The following B4GALT6 variants were observed in gnomAD, a reference collection of about 807,000 sequenced individuals.
The protein encoded by B4GALT6 is beta-1,4-galactosyltransferase 6.
A neutral mutation model predicts 46.3 loss-of-function variants in B4GALT6; 14 were observed. The observed-to-expected ratio is 0.30, with a 90% CI of 0.20 to 0.47. The LOEUF is 0.47. Ranked by LOEUF, B4GALT6 falls within the 20% of genes least tolerant of loss-of-function variation. The pLI, the probability that B4GALT6 is intolerant of heterozygous loss-of-function variation, is 0.99. For missense variants in B4GALT6, 386 were observed against 480.1 expected, an observed-to-expected ratio of 0.80 and a Z score of 1.83; for synonymous variants, 168 against 162.0, an observed-to-expected ratio of 1.04 and a Z score of -0.28.
At chr18:31,716,478 A>G in the B4GALT6 span, among the ~76,000 whole-genome samples, 1 of 152,218 alleles carries the variant, frequency 6.6e-6, no homozygotes, top group Non-Finnish European at 1.5e-5. Context: ...GAATTTTCTT[A>G]CAGTAACGTA....
At chr18:31,711,008 A>G in the B4GALT6 span, among the ~76,000 whole-genome samples, 3 of 152,200 alleles carry the variant, frequency 2.0e-5, no homozygotes, top group Non-Finnish European at 2.9e-5. Flanking sequence ...CTCCCTGGCT[A>G]GAAGACCTTC....
At chr18:31,653,268 G>A (rs1183878989) in intron 3 of B4GALT6, among the ~76,000 whole-genome samples, 1 of 151,672 alleles carries the variant, frequency 6.6e-6, no homozygotes, top group Non-Finnish European at 1.5e-5. Context: ...TCTGGGCAGA[G>A]CCGACCACTC....
chr18:31,715,019 T>C, the B4GALT6 span, among the ~76,000 whole-genome samples: 8 of 152,208 alleles, frequency 5.3e-5, no homozygotes, highest in Admixed American at 4.6e-4. Flanking sequence ...TATAAGTATG[T>C]CCAGTATGCT....
At chr18:31,650,447 C>T (rs990428287) in intron 3 of B4GALT6, among the ~76,000 whole-genome samples, 2 of 152,180 alleles carry the variant, frequency 1.3e-5, no homozygotes, top group Non-Finnish European at 2.9e-5. Flanking sequence ...CAAATGCACC[C>T]GAAGTGGTGG....
rs1393495289 is a variant in B4GALT6 at position 31,622,666 on chromosome 18, A to T, written c.*2948T>A. The T allele has an allele frequency of 2.0e-5, 3 of 152,040 alleles. No homozygotes were observed. Among genetic ancestry groups the T allele is most frequent in the Admixed American group, 6.5e-5 (1 of 15,274 alleles). 9.4% of individuals were successfully genotyped at this position (152,040 alleles called of 1,614,324 possible). The stretch of plus-strand genomic sequence containing the variant: ...TGGCTGGCAAAAGGGTATATAAGGA[A>T]ATTTTTAATACATAACTGTATCTAC... On this transcript the variant is annotated 3_prime_UTR_variant, in exon 9 of 9. Coordinates refer to ENST00000306851, the MANE Select transcript of B4GALT6 (RefSeq NM_004775.5).
At chr18:31,659,785 G>A (rs1044177379) in intron 2 of B4GALT6, among the ~76,000 whole-genome samples, 5 of 152,044 alleles carry the variant, frequency 3.3e-5, no homozygotes, top group African/African-American at 1.2e-4. Context: ...AAGGGGAGGA[G>A]AAATTCAGTG....
At chr18:31,691,463 A>G in the B4GALT6 span, among the ~76,000 whole-genome samples, 1 of 151,780 alleles carries the variant, frequency 6.6e-6, no homozygotes, top group Non-Finnish European at 1.5e-5. Context: ...GATAAAATAT[A>G]TAGATGAAAG....
chr18:31,630,064 G>C (rs1407321902), intron 6 of B4GALT6, among the ~76,000 whole-genome samples: 1 of 139,104 alleles, frequency 7.2e-6, no homozygotes. Flanking sequence ...AGGGGGGAGG[G>C]GGAAGAAGGG....
At chr18:31,636,919 TC>T (rs1240122335) in intron 5 of B4GALT6, among the ~76,000 whole-genome samples, 1 of 152,232 alleles carries the variant, frequency 6.6e-6, no homozygotes. Flanking sequence ...TCTCCCAGGT[TC>T]AAGCACTTCC....
chr18:31,721,235 A>G, the B4GALT6 span, among the ~76,000 whole-genome samples: 1 of 152,160 alleles, frequency 6.6e-6, no homozygotes. Flanking sequence ...TACCTAATAT[A>G]AATGACGAGT....
At chr18:31,705,949 C>T in the B4GALT6 span, among the ~76,000 whole-genome samples, 1 of 152,142 alleles carries the variant, frequency 6.6e-6, no homozygotes, top group Non-Finnish European at 1.5e-5. Flanking sequence ...TTGCTGATTC[C>T]CTCATTAATG....
chr18:31,644,232 A>G (rs928909823), intron 4 of B4GALT6, among the ~76,000 whole-genome samples: 4 of 152,258 alleles, frequency 2.6e-5, no homozygotes, highest in African/African-American at 9.6e-5. Context: ...ATCATTTGTA[A>G]CAAGGCCAAA....
At chr18:31,717,227 A>G in the B4GALT6 span, among the ~76,000 whole-genome samples, 1 of 152,236 alleles carries the variant, frequency 6.6e-6, no homozygotes, top group South Asian at 2.1e-4. Flanking sequence ...TATACAAAAG[A>G]ATACTACTTA....
chr18:31,625,845 T>G, intron 8 of B4GALT6, 84 bp from the exon 9 acceptor site: 2 of 1,180,150 alleles, frequency 1.7e-6, no homozygotes, highest in Non-Finnish European at 2.3e-6. Flanking sequence ...AAGGTCATCT[T>G]ATAATTAAAG....
At chr18:31,650,644 C>G (rs563756251) in intron 3 of B4GALT6, among the ~76,000 whole-genome samples, 1 of 152,304 alleles carries the variant, frequency 6.6e-6, no homozygotes, top group African/African-American at 2.4e-5. Context: ...TCTGGGCTCT[C>G]TAATATATTT....
intron 1 of B4GALT6, among the ~76,000 whole-genome samples, chr18:31,674,182 C>T (rs188686411): frequency 6.6e-6 from 1 of 152,268 alleles, no homozygotes; most frequent in East Asian, 1.9e-4. Context: ...ACGACAGGTA[C>T]AACTTTCTCC....
At chr18:31,715,869 G>A in the B4GALT6 span, among the ~76,000 whole-genome samples, 106,059 of 151,872 alleles carry the variant, frequency 0.7, 39,807 homozygotes, top group Non-Finnish European at 0.85. Flanking sequence ...TTTTTTAATG[G>A]AATCACAGTT....
intron 1 of B4GALT6, among the ~76,000 whole-genome samples, chr18:31,666,628 A>T (rs1027797399): frequency 7.9e-5 from 12 of 152,182 alleles, no homozygotes; most frequent in African/African-American, 2.7e-4. Flanking sequence ...AACAAACTAA[A>T]ATATTATAAT....
At chr18:31,697,953 T>C in the B4GALT6 span, among the ~76,000 whole-genome samples, 1 of 152,238 alleles carries the variant, frequency 6.6e-6, no homozygotes, top group Non-Finnish European at 1.5e-5. Flanking sequence ...AATAATGTGT[T>C]TTCATTTATC....
Sources: gnomAD v4.1 joint callset for allele counts (sites outside exome capture counted in the v4.1 genomes callset) on GRCh38, gnomAD v4.1.1 for gene constraint, MANE v1.5 for transcripts, NCBI Gene and HGNC (gene_info 2026-07-23, HGNC 2026-07-21) for gene names.